Variants in POLR1B observed in about 807,000 individuals in gnomAD.
The protein encoded by POLR1B is DNA-directed RNA polymerase I subunit RPA2.
POLR1B carries 30 observed loss-of-function variants against 105.8 expected under a neutral mutation model. The ratio of observed to expected loss-of-function variants is 0.28; its 90% CI spans 0.21 to 0.38. The LOEUF (loss-of-function observed/expected upper bound fraction) is 0.38, where lower values mean the gene tolerates loss of function less well. POLR1B is among the 10% of genes least tolerant of loss of function. The probability of loss-of-function intolerance (pLI) is 1.00; values close to 1 mark genes in which losing one functional copy is unlikely to be tolerated. For synonymous variants in POLR1B, 485 were observed against 505.1 expected, an observed-to-expected ratio of 0.96 and a Z score of 0.53; for missense variants, 976 against 1,435.8, an observed-to-expected ratio of 0.68 and a Z score of 5.17.
intron 7 of POLR1B, among the ~76,000 whole-genome samples, chr2:112,556,313 T>G (rs1454748771): frequency 1.3e-5 from 2 of 152,240 alleles, no homozygotes; most frequent in African/African-American, 4.8e-5. Flanking sequence ...TCCCTGGTAA[T>G]TCCCTTATCT....
intron 7 of POLR1B, among the ~76,000 whole-genome samples, chr2:112,556,988 A>T (rs765135920): frequency 6.6e-6 from 1 of 152,114 alleles, no homozygotes; most frequent in African/African-American, 2.4e-5. Flanking sequence ...TAGCTTTTTG[A>T]AAATATACAA....
intron 10 of POLR1B, 37 bp from the exon 11 acceptor site, chr2:112,567,930 G>A: frequency 1.3e-6 from 2 of 1,581,590 alleles, no homozygotes; most frequent in East Asian, 4.5e-5. Flanking sequence ...CATGGCCTTG[G>A]GACAGGTTTG....
At chr2:112,550,589 T>C in intron 4 of POLR1B, 1 of 423,238 alleles carries the variant, frequency 2.4e-6, no homozygotes, top group South Asian at 3.1e-5. Flanking sequence ...AGATATAAAG[T>C]GCTAAAAGAT....
chr2:112,549,445 A>C lies in POLR1B; in HGVS notation c.625+46A>C, dbSNP rs150460475. On this transcript the variant is annotated intron_variant, in intron 4 of 14. Transcript: ENST00000263331. ...GAATATTTTTTAAGGAAAATTTAAA[A>C]CTTTTTTTTTTTTTGAAGTAGATGC... 8 of 1,456,738 alleles carry C rather than the reference A, an allele frequency of 5.5e-6. No individual in the cohort carries two copies. The Middle Eastern group carries it at 9.3e-4, about 168-fold the overall frequency. 90.2% of individuals were successfully genotyped at this position (1,456,738 alleles called of 1,614,324 possible). A position where few individuals can be genotyped will look rare whatever the true frequency, so the allele number is the denominator to read the frequency against.
At chr2:112,554,776 C>T (rs1683562884) in intron 7 of POLR1B, among the ~76,000 whole-genome samples, 1 of 152,194 alleles carries the variant, frequency 6.6e-6, no homozygotes, top group Admixed American at 6.5e-5. Flanking sequence ...TACAGTGGCT[C>T]ATGCCTGTAA....
Position 112,574,837 on chromosome 2 carries a change from T to G in POLR1B, c.2526-10T>G. 6.3e-7 allele frequency: 1 copy of G among 1,597,554 alleles called. No individual in the cohort carries two copies. Among genetic ancestry groups the G allele is most frequent in the Non-Finnish European group, 8.6e-7 (1 of 1,168,360 alleles). ...AATAGGTTGACCTTATATGGTTTAC[T>G]TTTTCCTAGGAGTAAAGAAAATTGT... is the stretch of plus-strand genomic sequence containing the variant. On this transcript the variant is annotated splice_polypyrimidine_tract_variant and intron_variant, in intron 14 of 14. Coordinates refer to ENST00000263331, the MANE Select transcript of POLR1B (RefSeq NM_019014.6).
Position 112,552,849 on chromosome 2 carries a change from G to A in POLR1B, c.1158+33G>A, listed in dbSNP as rs79307609. On this transcript the variant is annotated intron_variant, in intron 7 of 14. Transcript: ENST00000263331. ...CATGCTATGTCCACCCTTGGCCAGT[G>A]GTACCACTTGTGGAATGGCGTGACT... 6,520 of 1,474,950 alleles carry A rather than the reference G, an allele frequency of 4.4e-3. 29 individuals are homozygous for A. The highest frequency in any genetic ancestry group is 4.9e-3 in the Non-Finnish European group (5,383 of 1,107,204). 91.4% of individuals were successfully genotyped at this position (1,474,950 alleles called of 1,614,324 possible). A position where few individuals can be genotyped will look rare whatever the true frequency, so the allele number is the denominator to read the frequency against.
At position 112,547,436 on chromosome 2, in the gene POLR1B, G is replaced by T. The variant is rs1407564856; in HGVS notation, c.361G>T (p.Ala121Ser). ...TTTCATTTAGGCTGATATCAACTGG[G>T]CAGTGAATGGAATCTCAAAAGGAAT... ...RGKLTADINW[A>S]VNGISKGIIK... is the part of the protein sequence containing the mutation. Residue 121 changes from alanine to serine, a missense_variant, in exon 3 of 15, where the codon GCA becomes TCA. Around this residue, in one of 12 missense-constraint regions of POLR1B, gnomAD observed 452 missense variants for 616.5 expected, o/e 0.73. Coordinates refer to ENST00000263331, the MANE Select transcript of POLR1B (RefSeq NM_019014.6). 2.7e-5 allele frequency: 44 copies of T among 1,613,888 alleles called. No homozygotes were observed. Among genetic ancestry groups the T allele is most frequent in the Non-Finnish European group, 3.6e-5 (43 of 1,179,944 alleles).
rs1272862001 is a variant in POLR1B at position 112,577,500 on chromosome 2, G to T, written c.*1771G>T. On this transcript the variant is annotated 3_prime_UTR_variant, in exon 15 of 15. Transcript: ENST00000263331. The stretch of plus-strand genomic sequence containing the variant: ...AGAGGTCGAGGCTGCAGTGAGCCAA[G>T]ATTGTGCCACTGCACTCCAGCCTGG... Among the ~76,000 whole-genome samples the T allele has an allele frequency of 6.6e-6, 1 of 152,156 alleles. No homozygotes were observed. The highest frequency in any genetic ancestry group is 2.4e-5 in the African/African-American group (1 of 41,434).
chr2:112,557,388 C>T (rs926847358), intron 7 of POLR1B, among the ~76,000 whole-genome samples: 3 of 152,048 alleles, frequency 2.0e-5, no homozygotes, highest in South Asian at 2.1e-4. Context: ...CTGTGTAGTT[C>T]GTGTGATTGG....
intron 10 of POLR1B, 70 bp downstream of exon 10, chr2:112,564,569 G>A: frequency 6.2e-7 from 1 of 1,602,304 alleles, no homozygotes. Context: ...CTAGTTTTGG[G>A]GTTAACCCCT....
At chr2:112,544,668 T>C (rs1164449281) in intron 1 of POLR1B, among the ~76,000 whole-genome samples, 3 of 152,138 alleles carry the variant, frequency 2.0e-5, no homozygotes, top group African/African-American at 7.2e-5. Context: ...ATGCCACAAC[T>C]TAGCTAGGAC....
At chr2:112,574,568 A>G (rs901441672) in intron 14 of POLR1B, among the ~76,000 whole-genome samples, 9 of 152,010 alleles carry the variant, frequency 5.9e-5, no homozygotes, top group African/African-American at 2.2e-4. Context: ...AAAAAAATTT[A>G]AAGACTAGCC....
chr2:112,565,670 C>A (rs944217076), intron 10 of POLR1B, among the ~76,000 whole-genome samples: 2 of 152,010 alleles, frequency 1.3e-5, no homozygotes, highest in African/African-American at 2.4e-5. Flanking sequence ...AGTGATCCTC[C>A]CACCTCAGCT....
chr2:112,562,735 T>C (rs1466535293), intron 9 of POLR1B, among the ~76,000 whole-genome samples: 1 of 147,592 alleles, frequency 6.8e-6, no homozygotes, highest in Non-Finnish European at 1.5e-5. Flanking sequence ...TTTCTTTTTT[T>C]TTTTTTTTTT....
intron 1 of POLR1B, among the ~76,000 whole-genome samples, chr2:112,543,619 G>A (rs1432706672): frequency 6.6e-6 from 1 of 152,068 alleles, no homozygotes; most frequent in African/African-American, 2.4e-5. Context: ...TGGGAGATAG[G>A]GATACAGATA....
chr2:112,552,066 G>A, intron 6 of POLR1B, 68 bp downstream of exon 6: 1 of 1,322,184 alleles, frequency 7.6e-7, no homozygotes, highest in South Asian at 1.3e-5. Context: ...TGTATTGGTT[G>A]CAGTTTGGGC....
rs376777644 is a variant in POLR1B, at chr2:112,568,085, C to G, written c.1865C>G (p.Pro622Arg). Residue 622 changes from proline to arginine, a missense_variant, in exon 11 of 15, where the codon CCT becomes CGT. By Grantham distance (103) the Pro-to-Arg change is moderately radical (BLOSUM62 -2). Transcript: ENST00000263331. ...LFTTPCRLVR[P>R]VQNLALGKEE... ...ACCACTCCTTGTAGACTGGTACGGC[C>G]TGTGCAGAACTTAGCATTGGGCAAA... 52 of 1,614,006 alleles carry G rather than the reference C, an allele frequency of 3.2e-5. No homozygotes were observed. The highest frequency in any genetic ancestry group is 8.3e-5 in the Admixed American group (5 of 60,002).
chr2:112,555,862 A>G (rs1450420545), intron 7 of POLR1B, among the ~76,000 whole-genome samples: 1 of 152,250 alleles, frequency 6.6e-6, no homozygotes, highest in East Asian at 1.9e-4. Flanking sequence ...CATAAGATGA[A>G]TTATAGACTG....
Sources: gnomAD v4.1 joint callset for allele counts (sites outside exome capture counted in the v4.1 genomes callset) on GRCh38, gnomAD v4.1.1 for gene constraint, gnomAD v4.1.1 regional missense constraint, MANE v1.5 for transcripts, NCBI Gene and HGNC (gene_info 2026-07-23, HGNC 2026-07-21) for gene names.